The following SOS2 variants were observed in gnomAD, a reference collection of about 807,000 sequenced individuals.
The protein encoded by SOS2 is son of sevenless homolog 2.
SOS2 carries 65 observed loss-of-function variants against 148.2 expected under a neutral mutation model. The observed-to-expected ratio is 0.44, with a 90% confidence interval of 0.36 to 0.54. The LOEUF is 0.54. Among genes scored for constraint, SOS2 ranks in the 20% least tolerant of loss-of-function variants. The probability of loss-of-function intolerance (pLI) is 0.00; values close to 1 mark genes in which losing one functional copy is unlikely to be tolerated. For missense variants in SOS2, 1,341 were observed against 1,590.2 expected (o/e 0.84, Z 2.67); for synonymous variants, 539 against 537.1 (o/e 1.00, Z -0.05).
chr14:50,165,831 T>G (rs1885146369), intron 8 of SOS2, among the ~76,000 whole-genome samples: 1 of 152,186 alleles, frequency 6.6e-6, no homozygotes. Context: ...TAATTTTTAT[T>G]ACAACTCTGT....
At chr14:50,140,723 G>C (rs942232706) in intron 16 of SOS2, among the ~76,000 whole-genome samples, 2 of 152,018 alleles carry the variant, frequency 1.3e-5, no homozygotes, top group African/African-American at 4.8e-5. Context: ...AAGAAATAAA[G>C]AGCTAGAGAT....
Position 50,160,023 on chromosome 14 carries a change from C to A in SOS2, c.1260G>T (p.Met420Ile). 1 of 1,614,024 alleles carries A rather than the reference C, an allele frequency of 6.2e-7. No homozygotes were observed. Among genetic ancestry groups the A allele is most frequent in the Non-Finnish European group, 8.5e-7 (1 of 1,179,952 alleles). The change falls in exon 10 of 23, where the codon ATG becomes ATT. Residue 420 changes from methionine to isoleucine, a missense_variant. This residue lies in a region of SOS2 where 574 missense variants were observed against 711.1 expected (regional missense o/e 0.81). Coordinates refer to ENST00000216373, the MANE Select transcript of SOS2 (RefSeq NM_006939.4). The part of the protein sequence containing the change: ...LRSKHLAIKK[M>I]NEIQKNIDGW... ...CATCGATATTTTTCTGAATTTCATTCATTTTTTTGATAGCCAGGTGTTTGC... is the reference window on the plus strand; with the variant it reads ...CATCGATATTTTTCTGAATTTCATTAATTTTTTTGATAGCCAGGTGTTTGC...
chr14:50,132,352 A>G (rs1292286111), intron 19 of SOS2, among the ~76,000 whole-genome samples: 1 of 104,834 alleles, frequency 9.5e-6, no homozygotes, highest in East Asian at 3.1e-4. Flanking sequence ...CTCTATTGCC[A>G]TTAAAAAAAA....
At chr14:50,175,311 A>C (rs2139681452) in intron 7 of SOS2, among the ~76,000 whole-genome samples, 1 of 152,008 alleles carries the variant, frequency 6.6e-6, no homozygotes, top group Middle Eastern at 3.4e-3. Flanking sequence ...GATAGATATG[A>C]CATAACATAG....
intron 4 of SOS2, among the ~76,000 whole-genome samples, chr14:50,194,113 T>A (rs1290638475): frequency 6.6e-6 from 1 of 152,176 alleles, no homozygotes; most frequent in Non-Finnish European, 1.5e-5. Context: ...GACAGGAATG[T>A]CTGAAACAAG....
At chr14:50,215,430 C>A (rs1301907995) in intron 1 of SOS2, 18 of 1,279,860 alleles carry the variant, frequency 1.4e-5, no homozygotes, top group Non-Finnish European at 1.8e-5. Context: ...ATGCTTTACA[C>A]TTCTACAGAG....
At chr14:50,144,679 C>A (rs1007360864) in intron 16 of SOS2, among the ~76,000 whole-genome samples, 1 of 151,950 alleles carries the variant, frequency 6.6e-6, no homozygotes, top group East Asian at 1.9e-4. Flanking sequence ...CTCAGGTGAT[C>A]GACCCGCCTC....
intron 8 of SOS2, among the ~76,000 whole-genome samples, chr14:50,167,419 T>C (rs766334257): frequency 8.5e-4 from 129 of 152,114 alleles, no homozygotes; most frequent in Non-Finnish European, 1.5e-3. Flanking sequence ...CTTGTAGTTC[T>C]AGCTACTCGG....
At chr14:50,168,356 T>C (rs1885233905) in intron 8 of SOS2, among the ~76,000 whole-genome samples, 1 of 152,142 alleles carries the variant, frequency 6.6e-6, no homozygotes, top group Admixed American at 6.6e-5. Context: ...CAAGTAGCTG[T>C]GACTACTGGC....
chr14:50,118,091 A>C lies in SOS2; in HGVS notation c.*253T>G, dbSNP rs1489656398. ...TTTTTGCAGAGTTTACAGTGCAAATATAAATTCTTTATACTGGCCTTTTGG... is the reference window on the plus strand; with the variant it reads ...TTTTTGCAGAGTTTACAGTGCAAATCTAAATTCTTTATACTGGCCTTTTGG... On this transcript the variant is annotated 3_prime_UTR_variant, in exon 23 of 23. Coordinates refer to ENST00000216373, the MANE Select transcript of SOS2 (RefSeq NM_006939.4). 1 of 417,274 alleles carries C rather than the reference A, an allele frequency of 2.4e-6. No individual in the cohort carries two copies. Among genetic ancestry groups the C allele is most frequent in the Non-Finnish European group, 4.3e-6 (1 of 235,018 alleles). The allele number at this position is 417,274 out of a possible 1,614,324, so 25.8% of individuals were successfully genotyped here. A position where few individuals can be genotyped will look rare whatever the true frequency, so the allele number is the denominator to read the frequency against.
At chr14:50,211,549 T>TG (rs1018202072) in intron 1 of SOS2, among the ~76,000 whole-genome samples, 16 of 151,774 alleles carry the variant, frequency 1.1e-4, no homozygotes, top group African/African-American at 3.1e-4. Flanking sequence ...ATGCAGCATT[T>TG]GTTTTTTTTT....
chr14:50,161,896 G>A (rs993028145), intron 8 of SOS2, among the ~76,000 whole-genome samples: 22 of 150,720 alleles, frequency 1.5e-4, no homozygotes, highest in Admixed American at 6.0e-4. Flanking sequence ...GACCACAGGC[G>A]AATGCCACCA....
Position 50,161,454 on chromosome 14 carries a change from A to G in SOS2, c.1196+28T>C, listed in dbSNP as rs115505438. 1.0e-3 allele frequency: 1,609 copies of G among 1,597,154 alleles called. 12 individuals are homozygous for G. The African/African-American group carries it at 0.019, about 19-fold the overall frequency. On this transcript the variant is annotated intron_variant, in intron 9 of 22. Coordinates refer to ENST00000216373, the MANE Select transcript of SOS2 (RefSeq NM_006939.4). ...CAGAGACAGCGAAGTAAGCAGAGGCATTCACGTTTTCAACACTTTGGAATT... is the reference window on the plus strand; with the variant it reads ...CAGAGACAGCGAAGTAAGCAGAGGCGTTCACGTTTTCAACACTTTGGAATT...
At chr14:50,138,964 TAAAGAG>T (rs1228591915) in intron 17 of SOS2, among the ~76,000 whole-genome samples, 180 bp from the exon 18 acceptor site, 3 of 152,076 alleles carry the variant, frequency 2.0e-5, no homozygotes, top group African/African-American at 7.2e-5. Flanking sequence ...AAGCATTTTT[TAAAGAG>T]AAAGAATTTA....
At chr14:50,130,871 T>G (rs745316892) in intron 19 of SOS2, 109 bp from the exon 20 acceptor site, 1 of 902,136 alleles carries the variant, frequency 1.1e-6, no homozygotes, top group Non-Finnish European at 1.7e-6. Context: ...ATACAGTTCT[T>G]AAGCGTGCAG....
chr14:50,127,511 C>G (rs1445993787), intron 21 of SOS2, among the ~76,000 whole-genome samples: 1 of 152,184 alleles, frequency 6.6e-6, no homozygotes, highest in Non-Finnish European at 1.5e-5. Flanking sequence ...GTAACAACTA[C>G]AGCAGGTACT....
At chr14:50,178,231 T>C (rs1156254332) in intron 7 of SOS2, among the ~76,000 whole-genome samples, 1 of 152,170 alleles carries the variant, frequency 6.6e-6, no homozygotes, top group Non-Finnish European at 1.5e-5. Flanking sequence ...GATTTCTTCC[T>C]TTAATGCTGT....
chr14:50,220,441 G>T, intron 1 of SOS2, among the ~76,000 whole-genome samples: 3 of 94,472 alleles, frequency 3.2e-5, no homozygotes, highest in Admixed American at 2.2e-4. Context: ...CCTGCATAAA[G>T]AAAGCACTCA....
intron 19 of SOS2, among the ~76,000 whole-genome samples, chr14:50,131,214 G>A (rs1222033006): frequency 1.3e-5 from 2 of 151,996 alleles, no homozygotes; most frequent in Non-Finnish European, 2.9e-5. Flanking sequence ...AAAATCTTTG[G>A]AGAAAATTCC....
Sources: allele counts gnomAD v4.1 joint callset (sites outside exome capture counted in the v4.1 genomes callset), GRCh38; gene constraint gnomAD v4.1.1; regional missense constraint gnomAD v4.1.1; transcripts MANE v1.5; gene names NCBI Gene and HGNC (gene_info 2026-07-23, HGNC 2026-07-21).